Variants in RARB observed in about 807,000 individuals in gnomAD.
RARB encodes the protein HBV-activated protein.
In RARB, 17 loss-of-function variants were observed where a neutral mutation model predicts 51.9. The observed-to-expected ratio is 0.33, with a 90% CI of 0.22 to 0.49. The LOEUF (loss-of-function observed/expected upper bound fraction) is 0.49. Ranked by LOEUF, RARB falls within the 20% of genes least tolerant of loss-of-function variation. RARB has a pLI of 0.99. For synonymous variants in RARB, 215 were observed against 195.4 expected (o/e 1.10, Z -0.84); for missense variants, 369 against 550.8 (o/e 0.67, Z 3.30).
intron 5 of RARB, among the ~76,000 whole-genome samples, chr3:25,206,029 G>T (rs1477514072): frequency 3.9e-5 from 6 of 152,206 alleles, no homozygotes; most frequent in Non-Finnish European, 7.3e-5. Context: ...AAGCTATGAT[G>T]CTTGGTAGAT....
At chr3:25,125,700 A>G (rs769098301) in intron 3 of RARB, among the ~76,000 whole-genome samples, 7 of 152,186 alleles carry the variant, frequency 4.6e-5, no homozygotes, top group African/African-American at 1.7e-4. Flanking sequence ...AAAATTGTCA[A>G]TGTGGAAACT....
chr3:25,211,683 A>C (rs1349102365), intron 5 of RARB, among the ~76,000 whole-genome samples: 1 of 152,164 alleles, frequency 6.6e-6, no homozygotes, highest in Non-Finnish European at 1.5e-5. Flanking sequence ...CCAACAGTGA[A>C]ATTTTTTGGC....
At chr3:25,483,382 G>A (rs909246262) in intron 2 of RARB, among the ~76,000 whole-genome samples, 11 of 152,148 alleles carry the variant, frequency 7.2e-5, no homozygotes, top group Admixed American at 3.9e-4. Flanking sequence ...CACATACTGT[G>A]GTAGAGGATG....
chr3:25,119,238 G>A (rs1387811520), intron 3 of RARB, among the ~76,000 whole-genome samples: 4 of 152,130 alleles, frequency 2.6e-5, no homozygotes, highest in Non-Finnish European at 5.9e-5. Context: ...GCTTGGTTCT[G>A]TTCTATGGTC....
In RARB at chr3:25,090,017, T is replaced by C. The variant is rs546921541; in HGVS notation, c.-328+29841T>C. Among the ~76,000 whole-genome samples the C allele has an allele frequency of 9.2e-5, 14 of 152,226 alleles. No individual in the cohort carries two copies. The South Asian group carries it at 1.5e-3, about 16-fold the overall frequency. On this transcript the variant is annotated intron_variant, in intron 3 of 11. Transcript: ENST00000383772. ...TATCCAGGTCTACTGGTGTAACTTA[T>C]CAGAAAGATATACATTAACCGAATG...
chr3:25,551,823 G>A (rs910807265), intron 3 of RARB, among the ~76,000 whole-genome samples: 1 of 152,140 alleles, frequency 6.6e-6, no homozygotes, highest in Non-Finnish European at 1.5e-5. Context: ...CTCAAGTTGA[G>A]TGTTTCTTAG....
chr3:24,999,537 T>TTA (rs1309227049), intron 2 of RARB, among the ~76,000 whole-genome samples: 1 of 152,158 alleles, frequency 6.6e-6, no homozygotes, highest in Non-Finnish European at 1.5e-5. Context: ...TTCATAAACT[T>TTA]GTTTAAAGTC....
chr3:25,366,651 T>C (rs376232743), intron 5 of RARB, among the ~76,000 whole-genome samples: 1 of 152,208 alleles, frequency 6.6e-6, no homozygotes, highest in Non-Finnish European at 1.5e-5. Context: ...AACCACTGTT[T>C]TCAAAAAGCC....
chr3:25,570,769 T>C (rs1223319118), intron 4 of RARB, among the ~76,000 whole-genome samples: 1 of 152,206 alleles, frequency 6.6e-6, no homozygotes, highest in Admixed American at 6.5e-5. Context: ...ACAACTAGAA[T>C]GTTGTTCTGG....
At chr3:25,086,987 C>G (rs757783901) in intron 3 of RARB, among the ~76,000 whole-genome samples, 7 of 152,152 alleles carry the variant, frequency 4.6e-5, no homozygotes, top group Non-Finnish European at 7.4e-5. Flanking sequence ...AGGGGATTCT[C>G]TACAGAATGT....
intron 5 of RARB, among the ~76,000 whole-genome samples, chr3:25,407,563 C>A (rs1299585563): frequency 6.6e-6 from 1 of 152,114 alleles, no homozygotes; most frequent in Non-Finnish European, 1.5e-5. Flanking sequence ...TGTGACCTCT[C>A]CCCTTTTTAT....
At chr3:25,209,574 G>A (rs747560813) in intron 5 of RARB, among the ~76,000 whole-genome samples, 11 of 152,172 alleles carry the variant, frequency 7.2e-5, no homozygotes, top group Non-Finnish European at 1.5e-4. Flanking sequence ...CCATGGATAC[G>A]TGGCTTGGAG....
At chr3:25,319,298 C>T (rs1373276961) in intron 5 of RARB, among the ~76,000 whole-genome samples, 5 of 152,146 alleles carry the variant, frequency 3.3e-5, no homozygotes, top group East Asian at 1.9e-4. Context: ...ATGGCATAGA[C>T]GATGCCCACA....
intron 5 of RARB, among the ~76,000 whole-genome samples, chr3:25,319,458 C>T (rs1197413504): frequency 1.3e-5 from 2 of 152,142 alleles, no homozygotes; most frequent in African/African-American, 4.8e-5. Context: ...ATGGGTAAGA[C>T]TGTCATCAAT....
intron 5 of RARB, among the ~76,000 whole-genome samples, 192 bp downstream of exon 5, chr3:25,580,914 C>A (rs549459031): frequency 1.3e-5 from 2 of 152,168 alleles, no homozygotes; most frequent in Non-Finnish European, 2.9e-5. Flanking sequence ...GAATTCCCAT[C>A]CCTCAGGCTC....
chr3:25,456,878 TAGAA>T (rs1467335358), intron 1 of RARB, among the ~76,000 whole-genome samples: 1 of 151,770 alleles, frequency 6.6e-6, no homozygotes, highest in Non-Finnish European at 1.5e-5. Context: ...ATAAAAACAG[TAGAA>T]AGAACCAATT....
At chr3:25,463,542 A>C (rs1006811008) in intron 2 of RARB, among the ~76,000 whole-genome samples, 3 of 152,068 alleles carry the variant, frequency 2.0e-5, no homozygotes, top group Admixed American at 6.6e-5. Context: ...GCTTGCCTGT[A>C]GTCCCAGCTA....
intron 1 of RARB, among the ~76,000 whole-genome samples, chr3:25,456,678 T>TAGAGAGAG (rs1258830394): frequency 1.8e-5 from 2 of 110,280 alleles, no homozygotes; most frequent in Admixed American, 9.6e-5. Flanking sequence ...TATATATATA[T>TAGAGAGAG]ATATAGAGAG....
In RARB at chr3:25,489,918, G is replaced by A. The variant is rs117081952; in HGVS notation, c.307-11264G>A. 1.2e-3 allele frequency among the ~76,000 whole-genome samples: 189 copies of A among 152,224 alleles called. 5 individuals carry two copies. The East Asian group carries it at 0.024, about 19-fold the overall frequency. ...GTCGATACTCTTAGCATTATCAGGC[G>A]TCAGCCTGGACTCACCACAGCTTTT... On this transcript the variant is annotated intron_variant, in intron 2 of 7. Transcript: ENST00000330688.
Sources: allele counts gnomAD v4.1 joint callset (sites outside exome capture counted in the v4.1 genomes callset), GRCh38; gene constraint gnomAD v4.1.1; transcripts MANE v1.5; gene names NCBI Gene and HGNC (gene_info 2026-07-23, HGNC 2026-07-21).